Variants in SPIDR observed in about 807,000 individuals in gnomAD.
SPIDR encodes the protein DNA repair-scaffolding protein.
SPIDR carries 93 observed loss-of-function variants against 104.6 expected under a neutral mutation model. The observed-to-expected ratio is 0.89, with a 90% CI of 0.75 to 1.06. The LOEUF is 1.06. Among genes scored for constraint, SPIDR ranks in the 50% least tolerant of loss-of-function variants. The pLI is 0.00. For missense variants in SPIDR, 1,154 were observed against 1,111.2 expected (o/e 1.04, Z -0.55); for synonymous variants, 431 against 416.9 (o/e 1.03, Z -0.41).
At chr8:47,547,233 C>A in intron 8 of SPIDR, 1 of 633,456 alleles carries the variant, frequency 1.6e-6, no homozygotes, top group Admixed American at 1.9e-5. Flanking sequence ...ACAACTTGTA[C>A]TTGGGCTCCT....
intron 8 of SPIDR, among the ~76,000 whole-genome samples, chr8:47,543,390 A>T (rs547630380): frequency 1.3e-5 from 2 of 152,268 alleles, no homozygotes; most frequent in African/African-American, 4.8e-5. Flanking sequence ...TTGTGGTTTT[A>T]ATGTGCATTT....
chr8:47,427,273 C>A (rs73676338), intron 7 of SPIDR, among the ~76,000 whole-genome samples: 3 of 147,482 alleles, frequency 2.0e-5, no homozygotes, highest in Non-Finnish European at 4.5e-5. Flanking sequence ...AAGCAGTTAA[C>A]AAGGATTACC....
chr8:47,568,006 G>A lies in SPIDR; in HGVS notation c.1098-27805G>A, dbSNP rs1484377437. Among the ~76,000 whole-genome samples, 3 of 151,638 alleles carry A rather than the reference G, an allele frequency of 2.0e-5. No homozygotes were observed. In the East Asian group the frequency reaches 5.8e-4, roughly 29 times the overall value. Reference sequence around the variant, plus strand: ...GTCTCATACTGGCTTTGAACTCCTGGGCTCAAGCAAACCTCCCCGCCAGCC... The same window carrying A: ...GTCTCATACTGGCTTTGAACTCCTGAGCTCAAGCAAACCTCCCCGCCAGCC... On this transcript the variant is annotated intron_variant, in intron 8 of 19. Coordinates refer to ENST00000297423, the MANE Select transcript of SPIDR (RefSeq NM_001080394.4).
chr8:47,438,687 TTC>T (rs1369243059), intron 7 of SPIDR, among the ~76,000 whole-genome samples: 1 of 152,156 alleles, frequency 6.6e-6, no homozygotes, highest in Non-Finnish European at 1.5e-5. Flanking sequence ...CCTTCCCCCA[TTC>T]TGTTTTCTTG....
chr8:47,386,188 A>T (rs2154303623), intron 5 of SPIDR, among the ~76,000 whole-genome samples: 1 of 152,194 alleles, frequency 6.6e-6, no homozygotes, highest in East Asian at 1.9e-4. Flanking sequence ...GGTATACTTC[A>T]GGAATATCAA....
chr8:47,452,647 T>C (rs1554706880), intron 8 of SPIDR, among the ~76,000 whole-genome samples: 1 of 152,146 alleles, frequency 6.6e-6, no homozygotes, highest in African/African-American at 2.4e-5. Context: ...AAAAGGCCTT[T>C]GACAAAATTC....
intron 7 of SPIDR, among the ~76,000 whole-genome samples, chr8:47,424,825 T>C (rs1477389001): frequency 6.6e-6 from 1 of 152,168 alleles, no homozygotes; most frequent in African/African-American, 2.4e-5. Context: ...AACCTCCGCC[T>C]CCTGGGTCCA....
intron 8 of SPIDR, among the ~76,000 whole-genome samples, chr8:47,573,423 G>C (rs1323487251): frequency 2.0e-5 from 3 of 152,234 alleles, no homozygotes; most frequent in African/African-American, 7.2e-5. Flanking sequence ...GAAGGTCAGA[G>C]TATATTGAGG....
chr8:47,662,237 A>G (rs1277093523), intron 10 of SPIDR, among the ~76,000 whole-genome samples: 1 of 152,136 alleles, frequency 6.6e-6, no homozygotes, highest in Non-Finnish European at 1.5e-5. Flanking sequence ...GAGGACTGGG[A>G]CCAGGCGTGG....
At chr8:47,667,764 CAT>C (rs143402434) in intron 10 of SPIDR, 2 of 151,954 alleles carry the variant, frequency 1.3e-5, no homozygotes, top group East Asian at 1.9e-4. Context: ...GAATTGGAAA[CAT>C]ATATGTGCTC....
chr8:47,709,985 C>A (rs2081622025), intron 14 of SPIDR, among the ~76,000 whole-genome samples: 1 of 150,156 alleles, frequency 6.7e-6, no homozygotes. Context: ...TCAAGCAATT[C>A]TCATGCCTCA....
In SPIDR at chr8:47,328,813, T is replaced by C. The variant is rs16920024; in HGVS notation, c.525+34783T>C. 0.012 allele frequency among the ~76,000 whole-genome samples: 1,756 copies of C among 152,284 alleles called. 79 individuals carry two copies. The East Asian group carries it at 0.14, about 12-fold the overall frequency. The stretch of plus-strand genomic sequence containing the variant: ...TTTACTTTTTCTTTTTCTAAATGTT[T>C]CAGGGTTTTTTTTCTCAAGTCTTTC... On this transcript the variant is annotated intron_variant, in intron 5 of 19. Coordinates refer to ENST00000297423, the MANE Select transcript of SPIDR (RefSeq NM_001080394.4).
intron 14 of SPIDR, among the ~76,000 whole-genome samples, chr8:47,703,076 A>G (rs1386362493): frequency 6.6e-6 from 1 of 152,096 alleles, no homozygotes; most frequent in Non-Finnish European, 1.5e-5. Context: ...CACACCCCTC[A>G]CTTTTCTTTT....
chr8:47,565,992 ATTTTT>A (rs768002878), intron 8 of SPIDR, among the ~76,000 whole-genome samples: 32 of 14,924 alleles, frequency 2.1e-3, no homozygotes, highest in African/African-American at 5.0e-3. Context: ...ATATATATAT[ATTTTT>A]TTTTTTTTTT....
At chr8:47,565,992 A>ATATATATATATATATATATATTT in intron 8 of SPIDR, among the ~76,000 whole-genome samples, 2 of 14,950 alleles carry the variant, frequency 1.3e-4, no homozygotes, top group Non-Finnish European at 3.0e-4. Flanking sequence ...ATATATATAT[A>ATATATATATATATATATATATTT]TTTTTTTTTT....
chr8:47,669,144 G>A (rs768924932), intron 10 of SPIDR, among the ~76,000 whole-genome samples: 30 of 152,164 alleles, frequency 2.0e-4, no homozygotes, highest in Non-Finnish European at 3.8e-4. Context: ...TGCCCCCCGG[G>A]AAGCCATTTG....
intron 11 of SPIDR, 146 bp downstream of exon 11, chr8:47,674,087 G>T: frequency 2.3e-6 from 2 of 883,216 alleles, no homozygotes; most frequent in South Asian, 2.2e-5. Context: ...GGAGTTGAGT[G>T]GAATCTATAA....
At chr8:47,304,508 A>C (rs2042789693) in intron 5 of SPIDR, among the ~76,000 whole-genome samples, 1 of 152,176 alleles carries the variant, frequency 6.6e-6, no homozygotes, top group Admixed American at 6.5e-5. Flanking sequence ...CTCTATTAAA[A>C]AAAATTAAAA....
At chr8:47,641,797 C>G (rs1454901650) in intron 10 of SPIDR, among the ~76,000 whole-genome samples, 6 of 152,148 alleles carry the variant, frequency 3.9e-5, no homozygotes. Context: ...CCCAGCCCAC[C>G]ATGTGTAAGA....
Sources: gnomAD v4.1 joint callset for allele counts (sites outside exome capture counted in the v4.1 genomes callset) on GRCh38, gnomAD v4.1.1 for gene constraint, MANE v1.5 for transcripts, NCBI Gene and HGNC (gene_info 2026-07-23, HGNC 2026-07-21) for gene names.